NAF1: variants seen among roughly 807,000 people sequenced by gnomAD.
NAF1 encodes the protein H/ACA ribonucleoprotein complex non-core subunit NAF1.
In NAF1, 11 loss-of-function variants were observed where a neutral mutation model predicts 40.6. That is an observed-to-expected ratio of 0.27 (90% CI 0.17 to 0.45). The LOEUF is 0.45. Ranked by LOEUF, NAF1 falls within the 20% of genes least tolerant of loss-of-function variation. NAF1 has a pLI of 1.00. For synonymous variants in NAF1, 260 were observed against 228.5 expected (o/e 1.14, Z -1.24); for missense variants, 607 against 611.1 (o/e 0.99, Z 0.07).
At chr4:163,132,176 G>A (rs1171822171) in intron 7 of NAF1, among the ~76,000 whole-genome samples, 1 of 152,184 alleles carries the variant, frequency 6.6e-6, no homozygotes, top group Non-Finnish European at 1.5e-5. Context: ...AACTAAACAT[G>A]TAATGCAACT....
chr4:163,115,579 A>T (rs1730310910), intron 2 of NAF1, among the ~76,000 whole-genome samples: 1 of 152,178 alleles, frequency 6.6e-6, no homozygotes. Context: ...TGATACACTC[A>T]AAATAGTATT....
At chr4:163,159,581 A>G (rs1400545374) in intron 2 of NAF1, among the ~76,000 whole-genome samples, 1 of 152,280 alleles carries the variant, frequency 6.6e-6, no homozygotes, top group East Asian at 1.9e-4. Flanking sequence ...GAAATATTCT[A>G]CTGCAACTTC....
At chr4:163,148,905 G>A (rs141559053) in intron 2 of NAF1, among the ~76,000 whole-genome samples, 31 of 152,240 alleles carry the variant, frequency 2.0e-4, no homozygotes, top group African/African-American at 6.0e-4. Flanking sequence ...TCTTTTCTGC[G>A]ACTGTGTCAA....
chr4:163,128,606 C>CTATATA (rs61471175), downstream of NAF1: 1,084 of 324,442 alleles, frequency 3.3e-3, 13 homozygotes, highest in African/African-American at 0.024. Flanking sequence ...ATATCCATTA[C>CTATATA]TATATATATA....
At chr4:163,109,582 A>G (rs1560772984), downstream of NAF1, among the ~76,000 whole-genome samples, 1 of 152,184 alleles carries the variant, frequency 6.6e-6, no homozygotes, top group African/African-American at 2.4e-5. Flanking sequence ...GCATTTTTCT[A>G]TTAGTTAGTG....
At chr4:163,108,921 A>G (rs991686689), downstream of NAF1, 3 of 152,150 alleles carry the variant, frequency 2.0e-5, no homozygotes, top group African/African-American at 7.2e-5. Context: ...AGTTTCTTAC[A>G]AGAAAAGGGC....
chr4:163,141,136 G>A (rs61588160), intron 4 of NAF1, among the ~76,000 whole-genome samples: 10,153 of 152,160 alleles, frequency 0.067, 403 homozygotes, highest in Non-Finnish European at 0.09. Flanking sequence ...GAGGTGAGGC[G>A]GGCGGATCAC....
downstream of NAF1, among the ~76,000 whole-genome samples, chr4:163,107,701 T>A (rs189429290): frequency 8.5e-5 from 13 of 152,316 alleles, no homozygotes; most frequent in African/African-American, 3.1e-4. Flanking sequence ...AAGATTTTTT[T>A]AATAAATGGA....
At chr4:163,152,225 C>T (rs970357409) in intron 2 of NAF1, among the ~76,000 whole-genome samples, 10 of 152,152 alleles carry the variant, frequency 6.6e-5, no homozygotes, top group Non-Finnish European at 1.0e-4. Context: ...CCATCTATTC[C>T]AATTTTAATA....
chr4:163,104,078 T>C, the NAF1 span, among the ~76,000 whole-genome samples: 6 of 149,384 alleles, frequency 4.0e-5, no homozygotes, highest in Non-Finnish European at 5.9e-5. Flanking sequence ...CTCTTGCGGG[T>C]AGGGGTGGGG....
intron 2 of NAF1, among the ~76,000 whole-genome samples, chr4:163,152,887 C>T (rs948276758): frequency 6.6e-6 from 1 of 152,300 alleles, no homozygotes; most frequent in East Asian, 1.9e-4. Flanking sequence ...GCGGCGCTTG[C>T]GGGCCAGCTG....
intron 5 of NAF1, 138 bp from the exon 6 acceptor site, chr4:163,137,388 T>C: frequency 1.2e-6 from 1 of 836,536 alleles, no homozygotes; most frequent in Non-Finnish European, 1.7e-6. Context: ...ATGTGTCTTT[T>C]ACCTTATTTC....
chr4:163,143,707 C>T (rs1258512020), intron 4 of NAF1, among the ~76,000 whole-genome samples: 2 of 152,142 alleles, frequency 1.3e-5, no homozygotes, highest in Non-Finnish European at 2.9e-5. Flanking sequence ...CTGTGAAGGG[C>T]CAAGGTCTGC....
downstream of NAF1, among the ~76,000 whole-genome samples, chr4:163,122,393 GGAAAA>G (rs1297796606): frequency 2.0e-5 from 3 of 152,050 alleles, no homozygotes; most frequent in African/African-American, 7.2e-5. Context: ...TGGGAAAAGA[GGAAAA>G]GAATGAGAAA....
At chr4:163,109,502 C>T (rs77063192), downstream of NAF1, among the ~76,000 whole-genome samples, 57 of 152,030 alleles carry the variant, frequency 3.7e-4, 3 homozygotes, top group East Asian at 0.01. Flanking sequence ...CCTTTATTTT[C>T]TAGTGTCTAA....
intron 6 of NAF1, chr4:163,135,113 T>G (rs1290936016): frequency 6.6e-6 from 1 of 152,190 alleles, no homozygotes; most frequent in Non-Finnish European, 1.5e-5. Context: ...CAACCGTAGG[T>G]AATTTTTAGG....
chr4:163,152,968 C>T (rs977323830), intron 2 of NAF1, among the ~76,000 whole-genome samples: 12 of 152,210 alleles, frequency 7.9e-5, no homozygotes, highest in South Asian at 6.2e-4. Flanking sequence ...TGGCCCCCAG[C>T]AGTGAGGGGC....
At chr4:163,131,163 C>T (rs983062800) in intron 7 of NAF1, among the ~76,000 whole-genome samples, 1 of 152,142 alleles carries the variant, frequency 6.6e-6, no homozygotes, top group Admixed American at 6.5e-5. Context: ...TGGGCCACTG[C>T]GCTCGGCCAA....
chr4:163,134,899 G>T (rs1730997261), intron 6 of NAF1: 1 of 152,196 alleles, frequency 6.6e-6, no homozygotes, highest in African/African-American at 2.4e-5. Flanking sequence ...TTAAGAGCAG[G>T]AGGGAGGAAG....
Sources: allele counts gnomAD v4.1 joint callset (sites outside exome capture counted in the v4.1 genomes callset), GRCh38; gene constraint gnomAD v4.1.1; transcripts MANE v1.5; gene names NCBI Gene and HGNC (gene_info 2026-07-23, HGNC 2026-07-21).